The following SHLD1 variants were observed in gnomAD, a reference collection of about 807,000 sequenced individuals.
SHLD1 encodes RINN1-REV7-interacting novel NHEJ regulator 3.
Under a neutral mutation model 5.5 loss-of-function variants are expected in SHLD1, and 3 were observed. The ratio of observed to expected loss-of-function variants is 0.54; its 90% confidence interval spans 0.25 to 1.40. The LOEUF is 1.40. Ranked by LOEUF, SHLD1 falls within the 40% of genes most tolerant of loss-of-function variation. The pLI, the probability that SHLD1 is intolerant of heterozygous loss-of-function variation, is 0.15. For missense variants in SHLD1, 210 were observed against 244.4 expected (o/e 0.86, Z 0.94); for synonymous variants, 92 against 94.3 (o/e 0.98, Z 0.14).
At position 5,783,665 on chromosome 20, in the gene SHLD1, AGT is replaced by A. The variant is rs564487615; in HGVS notation, c.178+10625_178+10626del. Among the ~76,000 whole-genome samples, 310 of 152,280 alleles carry A rather than the reference AGT, an allele frequency of 2.0e-3. 2 individuals carry two copies. Among genetic ancestry groups the A allele is most frequent in the Middle Eastern group, 6.8e-3 (2 of 294 alleles). ...CCTGAGGCGTGAAGGATAAACCATA[AGT>A]GTATATGACTGAGGCTCACAGAGTT... is the stretch of plus-strand genomic sequence containing the variant. On this transcript the variant is annotated intron_variant, in intron 2 of 2. Coordinates refer to ENST00000303142, the MANE Select transcript of SHLD1 (RefSeq NM_152504.4).
At chr20:5,776,979 A>G (rs914331021) in intron 2 of SHLD1, among the ~76,000 whole-genome samples, 1 of 151,646 alleles carries the variant, frequency 6.6e-6, no homozygotes, top group Non-Finnish European at 1.5e-5. Flanking sequence ...AATATTTCAC[A>G]AACATCATCA....
intron 1 of SHLD1, among the ~76,000 whole-genome samples, chr20:5,754,364 GCC>G (rs1983940993): frequency 1.3e-5 from 2 of 152,080 alleles, no homozygotes; most frequent in Non-Finnish European, 2.9e-5. Context: ...TCCTGCCTCA[GCC>G]TCCCAAAGTG....
At chr20:5,828,786 CA>C (rs1294524715) in intron 2 of SHLD1, among the ~76,000 whole-genome samples, 61 of 152,244 alleles carry the variant, frequency 4.0e-4, no homozygotes, top group Non-Finnish European at 1.8e-4. Context: ...TAGGCATTAT[CA>C]GGTCTTAAAA....
chr20:5,822,289 C>A (rs1198564852), intron 2 of SHLD1, among the ~76,000 whole-genome samples: 2 of 152,074 alleles, frequency 1.3e-5, no homozygotes, highest in Non-Finnish European at 2.9e-5. Context: ...GAAACCCCAT[C>A]TCTACTAAAA....
intron 2 of SHLD1, among the ~76,000 whole-genome samples, chr20:5,810,828 A>G (rs1454030890): frequency 1.3e-5 from 2 of 149,044 alleles, no homozygotes; most frequent in African/African-American, 2.5e-5. Context: ...TGAACCCAGG[A>G]GGTGGAGGTT....
At chr20:5,856,519 A>T (rs532733030) in intron 2 of SHLD1, among the ~76,000 whole-genome samples, 6 of 152,228 alleles carry the variant, frequency 3.9e-5, no homozygotes, top group Non-Finnish European at 8.8e-5. Flanking sequence ...GAGCAGGAAG[A>T]TGCAGACTAG....
chr20:5,847,709 T>C lies in SHLD1; in HGVS notation c.179-15315T>C, dbSNP rs115137449. ...GGGAAATGGAAACCCAAATTGGAGATACAACTTTAGTGTCTGACAATATCA... is the reference window on the plus strand; with the variant it reads ...GGGAAATGGAAACCCAAATTGGAGACACAACTTTAGTGTCTGACAATATCA... On this transcript the variant is annotated intron_variant, in intron 2 of 2. Transcript: ENST00000303142. 3.6e-3 allele frequency among the ~76,000 whole-genome samples: 548 copies of C among 152,328 alleles called. 3 individuals are homozygous for C. The highest frequency in any genetic ancestry group is 0.012 in the African/African-American group (518 of 41,578).
At chr20:5,769,149 C>G in intron 1 of SHLD1, among the ~76,000 whole-genome samples, 1 of 152,154 alleles carries the variant, frequency 6.6e-6, no homozygotes, top group East Asian at 1.9e-4. Context: ...TCAAGAGATG[C>G]TTCTGCCTCG....
At chr20:5,856,457 G>A (rs2088085990) in intron 2 of SHLD1, among the ~76,000 whole-genome samples, 1 of 152,222 alleles carries the variant, frequency 6.6e-6, no homozygotes, top group African/African-American at 2.4e-5. Context: ...TGGAATGGGT[G>A]GCAGTAGTGA....
At chr20:5,782,011 C>T (rs1045914997) in intron 2 of SHLD1, among the ~76,000 whole-genome samples, 5 of 152,156 alleles carry the variant, frequency 3.3e-5, no homozygotes, top group African/African-American at 1.2e-4. Context: ...TCCTGTCGGG[C>T]TTGCTTTTAG....
At chr20:5,814,010 T>C (rs1424797802) in intron 2 of SHLD1, among the ~76,000 whole-genome samples, 1 of 141,972 alleles carries the variant, frequency 7.0e-6, no homozygotes, top group South Asian at 2.3e-4. Context: ...TGGAGTGCAG[T>C]GGCACAGTCT....
At chr20:5,765,550 G>A (rs11698877) in intron 1 of SHLD1, among the ~76,000 whole-genome samples, 1,830 of 151,802 alleles carry the variant, frequency 0.012, 19 homozygotes, top group Admixed American at 0.014. Flanking sequence ...GCCAGGCCAC[G>A]TAATTAAATC....
chr20:5,811,224 A>G (rs1412990291), intron 2 of SHLD1, among the ~76,000 whole-genome samples: 1 of 152,206 alleles, frequency 6.6e-6, no homozygotes, highest in African/African-American at 2.4e-5. Flanking sequence ...ATATGACTCC[A>G]TAAGTGACAG....
At chr20:5,798,634 T>C (rs865957538) in intron 2 of SHLD1, among the ~76,000 whole-genome samples, 3,809 of 147,378 alleles carry the variant, frequency 0.026, 75 homozygotes, top group Non-Finnish European at 0.039. Flanking sequence ...TTTTTTTTTT[T>C]TGAGACGGAG....
intron 2 of SHLD1, among the ~76,000 whole-genome samples, chr20:5,834,600 T>C (rs1010611657): frequency 6.6e-6 from 1 of 152,226 alleles, no homozygotes; most frequent in Non-Finnish European, 1.5e-5. Flanking sequence ...GCACTTTGCC[T>C]GGATTGCCTC....
intron 2 of SHLD1, among the ~76,000 whole-genome samples, chr20:5,805,715 C>G (rs918521413): frequency 1.3e-5 from 2 of 152,176 alleles, no homozygotes; most frequent in African/African-American, 2.4e-5. Flanking sequence ...ATTCTCATGC[C>G]TCAGTCTCCC....
At chr20:5,828,656 G>T (rs1294718) in intron 2 of SHLD1, among the ~76,000 whole-genome samples, 81,366 of 151,992 alleles carry the variant, frequency 0.54, 22,546 homozygotes, top group African/African-American at 0.67. Context: ...CTTTTGCTTC[G>T]CATTTCACTG....
chr20:5,843,112 T>C (rs747827314), intron 2 of SHLD1, among the ~76,000 whole-genome samples: 1 of 152,086 alleles, frequency 6.6e-6, no homozygotes, highest in Non-Finnish European at 1.5e-5. Context: ...CGGTTTCTTT[T>C]GGTGTTTGGT....
chr20:5,842,112 A>T (rs919430677), intron 2 of SHLD1, among the ~76,000 whole-genome samples: 2 of 152,378 alleles, frequency 1.3e-5, no homozygotes, highest in Non-Finnish European at 2.9e-5. Context: ...GATGAACTGT[A>T]TACTTTTAAG....
Sources: allele counts gnomAD v4.1 joint callset (sites outside exome capture counted in the v4.1 genomes callset), GRCh38; gene constraint gnomAD v4.1.1; transcripts MANE v1.5; gene names NCBI Gene and HGNC (gene_info 2026-07-23, HGNC 2026-07-21).